The following NINL variants were observed in gnomAD, a reference collection of about 807,000 sequenced individuals.
NINL encodes the protein ninein-like protein.
Under a neutral mutation model 160.3 loss-of-function variants are expected in NINL, and 153 were observed. That is an observed-to-expected ratio of 0.95 (90% CI 0.84 to 1.09). The LOEUF is 1.09. Among genes scored for constraint, NINL ranks in the 50% least tolerant of loss-of-function variants. The probability of loss-of-function intolerance (pLI) is 0.00; values close to 1 mark genes in which losing one functional copy is unlikely to be tolerated. For missense variants in NINL, 1,829 were observed against 1,764.0 expected, an observed-to-expected ratio of 1.04 and a Z score of -0.66; for synonymous variants, 800 against 734.8, an observed-to-expected ratio of 1.09 and a Z score of -1.43.
At chr20:25,567,710 G>T (rs2065011327) in intron 1 of NINL, among the ~76,000 whole-genome samples, 1 of 151,918 alleles carries the variant, frequency 6.6e-6, no homozygotes. Context: ...ACATTTAAAA[G>T]AATAGAAATA....
Position 25,476,344 on chromosome 20 carries a change from C to G in NINL, c.2947G>C (p.Ala983Pro). 1 of 1,612,416 alleles carries G rather than the reference C, an allele frequency of 6.2e-7. No individual in the cohort carries two copies. Among genetic ancestry groups the G allele is most frequent in the Non-Finnish European group, 8.5e-7 (1 of 1,179,924 alleles). The change falls in exon 17 of 24, where the codon GCA (alanine) becomes CCA (proline). Residue 983 changes from alanine (A) to proline (P), a missense_variant. By Grantham distance (27) the Ala-to-Pro change is conservative (BLOSUM62 -1). Transcript: ENST00000278886. ...TGGGTGCCCCTGCTCCAGCTTCGTG[C>G]TCGCTCTTCCTGAATGGCCTGTAGC... ...ERLQAIQEER[A>P]RSWSRGTQEQ...
chr20:25,479,506 C>G lies in NINL; in HGVS notation c.1918-300G>C, dbSNP rs558499329. Reference sequence around the variant, plus strand: ...CTGCAAGGGACGCAGAGGGTGGAATCTTTACAGGACCTCGGGGTGGCTCTG... The same window carrying G: ...CTGCAAGGGACGCAGAGGGTGGAATGTTTACAGGACCTCGGGGTGGCTCTG... On this transcript the variant is annotated intron_variant, in intron 15 of 23. Coordinates refer to ENST00000278886, the MANE Select transcript of NINL (RefSeq NM_025176.6). 3.3e-5 allele frequency among the ~76,000 whole-genome samples: 5 copies of G among 152,306 alleles called. No homozygotes were observed. The East Asian group carries it at 9.7e-4, about 29-fold the overall frequency.
At chr20:25,575,910 C>T (rs1199495324) in intron 1 of NINL, among the ~76,000 whole-genome samples, 5 of 152,168 alleles carry the variant, frequency 3.3e-5, no homozygotes, top group African/African-American at 1.2e-4. Context: ...TCCATATCAT[C>T]TATCTACCCC....
chr20:25,573,481 G>A (rs1050992785), intron 1 of NINL, among the ~76,000 whole-genome samples: 11 of 152,178 alleles, frequency 7.2e-5, no homozygotes, highest in South Asian at 2.1e-4. Flanking sequence ...CTCTCTACAC[G>A]TATCCTAAAG....
intron 1 of NINL, among the ~76,000 whole-genome samples, chr20:25,544,276 G>GA (rs1248470633): frequency 6.6e-6 from 1 of 152,034 alleles, no homozygotes; most frequent in African/African-American, 2.4e-5. Context: ...CACATAATAG[G>GA]ATAAAAGAGG....
At position 25,476,183 on chromosome 20, in the gene NINL, C is replaced by T. The variant is rs138017411; in HGVS notation, c.3108G>A (p.Gln1036=). 931 of 1,614,226 alleles carry T rather than the reference C, an allele frequency of 5.8e-4. 2 individuals are homozygous for T. The African/African-American group carries it at 6.1e-3, about 11-fold the overall frequency. ...LQLADPQGSW[Q]EQLAAPEEGE... ...CCTCTTCTGGGGCAGCAAGCTGCTCCTGCCAGGAACCCTGCGGGTCTGCGA... is the reference window on the plus strand; with the variant it reads ...CCTCTTCTGGGGCAGCAAGCTGCTCTTGCCAGGAACCCTGCGGGTCTGCGA... The change falls in exon 17 of 24, where the codon CAG becomes CAA. Residue 1036 remains glutamine, a synonymous_variant. Coordinates refer to ENST00000278886, the MANE Select transcript of NINL (RefSeq NM_025176.6).
At chr20:25,524,298 G>A (rs896330311) in intron 2 of NINL, among the ~76,000 whole-genome samples, 2 of 152,234 alleles carry the variant, frequency 1.3e-5, no homozygotes, top group African/African-American at 4.8e-5. Flanking sequence ...ATGTTACAGA[G>A]AGAAGAGAAA....
At chr20:25,573,172 C>A (rs6037146) in intron 1 of NINL, among the ~76,000 whole-genome samples, 133,644 of 151,434 alleles carry the variant, frequency 0.88, 59,948 homozygotes, top group Non-Finnish European at 0.96. Flanking sequence ...TGGCACATGC[C>A]TGTAGTGCCA....
intron 1 of NINL, among the ~76,000 whole-genome samples, chr20:25,580,215 T>C (rs973040164): frequency 6.6e-6 from 1 of 151,708 alleles, no homozygotes; most frequent in Non-Finnish European, 1.5e-5. Flanking sequence ...ACACCTATAA[T>C]CCCAGCTACT....
intron 1 of NINL, among the ~76,000 whole-genome samples, chr20:25,559,767 T>A (rs78523201): frequency 8.0e-6 from 1 of 124,612 alleles, no homozygotes; most frequent in Non-Finnish European, 1.7e-5. Context: ...CACCCGACTA[T>A]TTTTTTTTTT....
At chr20:25,521,050 C>T (rs1265761293) in intron 2 of NINL, among the ~76,000 whole-genome samples, 1 of 152,166 alleles carries the variant, frequency 6.6e-6, no homozygotes, top group Non-Finnish European at 1.5e-5. Flanking sequence ...TTAGCTATTA[C>T]TTCTTCACAT....
chr20:25,582,780 TTC>T (rs2065187763), intron 1 of NINL, among the ~76,000 whole-genome samples: 1 of 152,176 alleles, frequency 6.6e-6, no homozygotes, highest in African/African-American at 2.4e-5. Context: ...TGATTCAGTG[TTC>T]TGTTTAACAG....
intron 1 of NINL, among the ~76,000 whole-genome samples, chr20:25,554,975 A>T (rs371467246): frequency 1.1e-3 from 162 of 152,280 alleles, no homozygotes; most frequent in African/African-American, 3.5e-3. Flanking sequence ...AACTAGAAAA[A>T]ATATGTGCCC....
chr20:25,566,541 T>C (rs1600354946), intron 1 of NINL, among the ~76,000 whole-genome samples: 2 of 152,156 alleles, frequency 1.3e-5, no homozygotes, highest in South Asian at 4.1e-4. Flanking sequence ...GGGGCTGTAA[T>C]GGGAAAAAGT....
intron 9 of NINL, 104 bp downstream of exon 9, chr20:25,498,105 TG>T: frequency 2.2e-6 from 3 of 1,360,512 alleles, no homozygotes; most frequent in East Asian, 2.3e-5. Flanking sequence ...ACTGGCCATG[TG>T]GGGTGGATAA....
chr20:25,482,246 C>T (rs1233971452), intron 13 of NINL, 146 bp from the exon 14 acceptor site: 1 of 868,282 alleles, frequency 1.2e-6, no homozygotes, highest in African/African-American at 1.7e-5. Context: ...CAGCAGGAAA[C>T]CATCTGGATT....
At chr20:25,548,557 G>A (rs2064762968) in intron 1 of NINL, among the ~76,000 whole-genome samples, 1 of 151,718 alleles carries the variant, frequency 6.6e-6, no homozygotes, top group Non-Finnish European at 1.5e-5. Flanking sequence ...ACCCACGGCT[G>A]ACCCCGGCAC....
chr20:25,476,250 A>G lies in NINL; in HGVS notation c.3041T>C (p.Val1014Ala). 1 of 1,613,918 alleles carries G rather than the reference A, an allele frequency of 6.2e-7. No homozygotes were observed. The highest frequency in any genetic ancestry group is 1.1e-5 in the South Asian group (1 of 91,076). ...CAAGGACCCTCTCCTGGCAACCTCC[A>G]CACTGTGCTTGTGACACCCAGGCTC... ...ALEPGCHKHS[V>A]EVARRGSLPS... Residue 1014 changes from valine (V) to alanine (A), a missense_variant, in exon 17 of 24, where the codon GTG becomes GCG. By Grantham distance (64) the Val-to-Ala change is moderately conservative. Coordinates refer to ENST00000278886, the MANE Select transcript of NINL (RefSeq NM_025176.6).
intron 16 of NINL, 90 bp downstream of exon 16, chr20:25,478,833 C>A: frequency 1.4e-6 from 2 of 1,434,210 alleles, no homozygotes; most frequent in Non-Finnish European, 1.9e-6. Context: ...GGAGGCACAG[C>A]AATTCTGAGT....
Sources: allele counts gnomAD v4.1 joint callset (sites outside exome capture counted in the v4.1 genomes callset), GRCh38; gene constraint gnomAD v4.1.1; transcripts MANE v1.5; gene names NCBI Gene and HGNC (gene_info 2026-07-23, HGNC 2026-07-21).